The following ABI2 variants were observed in gnomAD, a reference collection of about 807,000 sequenced individuals.
The protein encoded by ABI2 is abl interactor 2.
In ABI2, 25 loss-of-function variants were observed where a neutral mutation model predicts 59.2. The observed-to-expected ratio is 0.42, with a 90% CI of 0.31 to 0.59. The LOEUF is 0.59. Among genes scored for constraint, ABI2 ranks in the 20% least tolerant of loss-of-function variants. The probability of loss-of-function intolerance (pLI) is 0.14; values close to 1 mark genes in which losing one functional copy is unlikely to be tolerated. For missense variants in ABI2, 545 were observed against 681.8 expected (o/e 0.80, Z 2.23); for synonymous variants, 213 against 235.5 (o/e 0.90, Z 0.87).
chr2:203,411,196 C>T (rs2097659949), intron 9 of ABI2, 89 bp from the exon 10 acceptor site: 2 of 1,023,732 alleles, frequency 2.0e-6, no homozygotes, highest in East Asian at 2.4e-5. Flanking sequence ...AGTTTCCCTC[C>T]TTTATGTGTT....
chr2:203,396,878 C>T lies in ABI2; in HGVS notation c.944C>T (p.Ala315Val), dbSNP rs1266213181. 3 of 1,534,464 alleles carry T rather than the reference C, an allele frequency of 2.0e-6. No individual in the cohort carries two copies. The highest frequency in any genetic ancestry group is 2.0e-5 in the Admixed American group (1 of 50,480). Residue 315 changes from alanine (A) to valine (V), a missense_variant, in exon 8 of 12, where the codon GCC becomes GTC. Physicochemically the swap from Ala to Val is moderately conservative, Grantham distance 64 (BLOSUM62 0). Transcript: ENST00000261018. ...LVPATVPSST[A>V]PDAAAGGAQT... The stretch of plus-strand genomic sequence containing the variant: ...CCTGCTACTGTCCCTTCCTCCACTG[C>T]CCCAGACGCTGCTGCTGGGGGTGCC...
intron 1 of ABI2, among the ~76,000 whole-genome samples, chr2:203,358,866 G>T (rs1286930815): frequency 2.0e-5 from 3 of 152,102 alleles, no homozygotes; most frequent in Non-Finnish European, 4.4e-5. Context: ...CCACAAATTA[G>T]CTGGGTGTAA....
chr2:203,329,411 T>G (rs1393041737), intron 1 of ABI2, among the ~76,000 whole-genome samples: 1 of 140,364 alleles, frequency 7.1e-6, no homozygotes, highest in Non-Finnish European at 1.5e-5. Flanking sequence ...GGTAGGGGCG[T>G]GTGTATGGAG....
At chr2:203,403,352 TGTG>T (rs1227155147) in intron 9 of ABI2, 2 of 154,848 alleles carry the variant, frequency 1.3e-5, no homozygotes, top group Non-Finnish European at 2.9e-5. Flanking sequence ...CCATGGCTAT[TGTG>T]GACATGGTAT....
At chr2:203,412,866 A>G (rs2097734268) in intron 10 of ABI2, among the ~76,000 whole-genome samples, 1 of 152,248 alleles carries the variant, frequency 6.6e-6, no homozygotes. Flanking sequence ...CCAAGTAGAA[A>G]AGGATTTAAT....
chr2:203,408,619 A>T (rs2097530762), intron 9 of ABI2, among the ~76,000 whole-genome samples: 1 of 151,714 alleles, frequency 6.6e-6, no homozygotes, highest in East Asian at 1.9e-4. Context: ...GCTGAGTACC[A>T]AAAGGTCATT....
At chr2:203,368,760 T>C (rs993319902) in intron 2 of ABI2, among the ~76,000 whole-genome samples, 9 of 151,988 alleles carry the variant, frequency 5.9e-5, no homozygotes, top group African/African-American at 2.2e-4. Context: ...TAAATTTCAG[T>C]TGGGAAAGGC....
chr2:203,378,325 A>C (rs371251656), intron 2 of ABI2, among the ~76,000 whole-genome samples: 6 of 152,006 alleles, frequency 3.9e-5, no homozygotes, highest in African/African-American at 9.7e-5. Flanking sequence ...GTTAGCCAGG[A>C]TGGTCTCGAT....
chr2:203,356,981 A>G (rs1021795152), intron 1 of ABI2, among the ~76,000 whole-genome samples: 1 of 152,120 alleles, frequency 6.6e-6, no homozygotes, highest in Admixed American at 6.5e-5. Flanking sequence ...TTAAAGGCAA[A>G]TGAGTAAAAA....
chr2:203,398,804 G>A lies in ABI2; in HGVS notation c.1033+1837G>A, dbSNP rs563156063. On this transcript the variant is annotated intron_variant, in intron 8 of 11. Transcript: ENST00000261018. ...AGTATAACATAAATGAAAGCATATA[G>A]TATGTAGCTTTTTTGATCTGTTTTT... 4.0e-4 allele frequency among the ~76,000 whole-genome samples: 61 copies of A among 152,140 alleles called. No homozygotes were observed. The South Asian group carries it at 0.012, about 30-fold the overall frequency.
intron 1 of ABI2, among the ~76,000 whole-genome samples, chr2:203,351,043 G>A (rs955738293): frequency 2.6e-5 from 4 of 152,080 alleles, no homozygotes; most frequent in Non-Finnish European, 5.9e-5. Context: ...TTGTAAAGTA[G>A]GGGTTCATAT....
intron 1 of ABI2, among the ~76,000 whole-genome samples, chr2:203,358,071 T>TGTGTGTGTGTGTGTGTGTGTGTG (rs1234117326): frequency 7.8e-6 from 1 of 128,782 alleles, no homozygotes; most frequent in African/African-American, 3.1e-5. Context: ...CCTGGCCTGT[T>TGTGTGTGTGTGTGTGTGTGTGTG]TGTGTGTGTG....
rs897616097 is a variant in ABI2 at position 203,430,614 on chromosome 2, A to G, written c.*3262A>G. On this transcript the variant is annotated 3_prime_UTR_variant, in exon 12 of 12. Transcript: ENST00000261018. Reference sequence around the variant, plus strand: ...TGAATCTTCTAAGCTATCTTGTTTAATATTTTCCATCATTTAGCTACTTCC... The same window carrying G: ...TGAATCTTCTAAGCTATCTTGTTTAGTATTTTCCATCATTTAGCTACTTCC... The G allele has an allele frequency of 1.3e-5, 2 of 152,222 alleles. No homozygotes were observed. Among genetic ancestry groups the G allele is most frequent in the African/African-American group, 4.8e-5 (2 of 41,464 alleles). The allele number at this position is 152,222 out of a possible 1,614,324, so 9.4% of individuals were successfully genotyped here.
intron 1 of ABI2, among the ~76,000 whole-genome samples, chr2:203,358,071 TTG>T (rs71007506): frequency 0.29 from 37,825 of 128,588 alleles, 5,452 homozygotes; most frequent in Middle Eastern, 0.42. Context: ...CCTGGCCTGT[TTG>T]TGTGTGTGTG....
intron 2 of ABI2, among the ~76,000 whole-genome samples, chr2:203,368,839 C>G (rs986662055): frequency 1.3e-5 from 2 of 150,464 alleles, no homozygotes; most frequent in African/African-American, 4.9e-5. Context: ...TTTTAAGAGA[C>G]AAAGTCTTGC....
intron 1 of ABI2, among the ~76,000 whole-genome samples, chr2:203,366,447 A>G (rs981854060): frequency 1.3e-5 from 2 of 151,900 alleles, no homozygotes; most frequent in Non-Finnish European, 1.5e-5. Context: ...AAACATTATT[A>G]TCACTTTAAT....
intron 1 of ABI2, among the ~76,000 whole-genome samples, chr2:203,347,789 G>C (rs2084661155): frequency 6.6e-6 from 1 of 152,186 alleles, no homozygotes; most frequent in South Asian, 2.1e-4. Flanking sequence ...GTTGTTAATG[G>C]CTTTTTGGTT....
intron 10 of ABI2, among the ~76,000 whole-genome samples, chr2:203,411,800 C>CAA (rs1341016489): frequency 1.3e-5 from 2 of 152,250 alleles, no homozygotes; most frequent in East Asian, 3.9e-4. Flanking sequence ...ACCAGGCTGC[C>CAA]AGTCTGTCTC....
chr2:203,427,332 A>G lies in ABI2; in HGVS notation c.1609A>G (p.Ile537Val), dbSNP rs767381069. Residue 537 changes from isoleucine (I) to valine (V), a missense_variant, in exon 12 of 12, where the codon ATC (isoleucine) becomes GTC (valine). Around this residue, in one of 4 missense-constraint regions of ABI2, gnomAD observed 44 missense variants for 106.4 expected, o/e 0.41. Coordinates refer to ENST00000261018, the MANE Select transcript of ABI2 (RefSeq NM_001375670.1). Reference sequence around the variant, plus strand: ...TTTTCCTGGGAATTACGTTGAGTCTATCATGCATTATTCTGAGTAAAGCTC... The same window carrying G: ...TTTTCCTGGGAATTACGTTGAGTCTGTCATGCATTATTCTGAGTAAAGCTC... ...GLFPGNYVES[I>V]MHYSE The G allele has an allele frequency of 5.0e-6, 8 of 1,613,912 alleles. No individual in the cohort carries two copies. Among genetic ancestry groups the G allele is most frequent in the African/African-American group, 2.7e-5 (2 of 74,936 alleles).
Sources: gnomAD v4.1 joint callset for allele counts (sites outside exome capture counted in the v4.1 genomes callset) on GRCh38, gnomAD v4.1.1 for gene constraint, gnomAD v4.1.1 regional missense constraint, MANE v1.5 for transcripts, NCBI Gene and HGNC (gene_info 2026-07-23, HGNC 2026-07-21) for gene names.